The following ADGRB3 variants were observed in gnomAD, a reference collection of about 807,000 sequenced individuals.
ADGRB3 encodes brain-specific angiogenesis inhibitor 3.
ADGRB3 carries 37 observed loss-of-function variants against 193.4 expected under a neutral mutation model. The ratio of observed to expected loss-of-function variants is 0.19; its 90% confidence interval spans 0.15 to 0.25. The LOEUF is 0.25. ADGRB3 is among the 10% of genes least tolerant of loss of function. The pLI is 1.00. For synonymous variants in ADGRB3, 690 were observed against 644.2 expected (o/e 1.07, Z -1.08); for missense variants, 1,637 against 1,852.9 (o/e 0.88, Z 2.14).
intron 3 of ADGRB3, among the ~76,000 whole-genome samples, chr6:68,811,549 G>A (rs1659932641): frequency 6.6e-6 from 1 of 151,944 alleles, no homozygotes; most frequent in African/African-American, 2.4e-5. Flanking sequence ...GCTCATTGCA[G>A]CCTCTGCCTC....
intron 20 of ADGRB3, among the ~76,000 whole-genome samples, chr6:69,243,943 C>A (rs1410775766): frequency 6.6e-6 from 1 of 152,044 alleles, no homozygotes; most frequent in East Asian, 1.9e-4. Flanking sequence ...ATTTTGGGAA[C>A]TACTAGTCAA....
intron 3 of ADGRB3, among the ~76,000 whole-genome samples, chr6:68,879,908 C>T (rs1765689310): frequency 6.6e-6 from 1 of 151,944 alleles, no homozygotes; most frequent in South Asian, 2.1e-4. Flanking sequence ...ACAAATGAAT[C>T]AAAGCAGATA....
chr6:69,182,010 A>G (rs1430991405), intron 17 of ADGRB3, among the ~76,000 whole-genome samples: 1 of 152,194 alleles, frequency 6.6e-6, no homozygotes. Flanking sequence ...ACAGTTGTTC[A>G]TCGCAAAAAT....
chr6:69,214,760 T>TA (rs1765740158), intron 17 of ADGRB3, among the ~76,000 whole-genome samples: 2 of 151,792 alleles, frequency 1.3e-5, no homozygotes, highest in African/African-American at 4.8e-5. Flanking sequence ...TTGTGGTTTT[T>TA]ACCATTAAAA....
chr6:69,353,649 T>G (rs1385511709), intron 26 of ADGRB3, among the ~76,000 whole-genome samples: 1 of 152,240 alleles, frequency 6.6e-6, no homozygotes, highest in Non-Finnish European at 1.5e-5. Context: ...TTATTAGTGT[T>G]GAGCCAGATA....
Position 69,171,264 on chromosome 6 carries a change from A to C in ADGRB3, c.2481-62026A>C, listed in dbSNP as rs189447694. Among the ~76,000 whole-genome samples, 3 of 152,296 alleles carry C rather than the reference A, an allele frequency of 2.0e-5. No individual in the cohort carries two copies. In the East Asian group the frequency reaches 5.8e-4, roughly 29 times the overall value. Reference sequence around the variant, plus strand: ...TAATGACTTCCATGTTGGCCAGCATAGTTGTTGAATTTGTATGGATTTTAG... The same window carrying C: ...TAATGACTTCCATGTTGGCCAGCATCGTTGTTGAATTTGTATGGATTTTAG... On this transcript the variant is annotated intron_variant, in intron 17 of 31. Coordinates refer to ENST00000370598, the MANE Select transcript of ADGRB3 (RefSeq NM_001704.3).
chr6:69,347,811 G>A (rs1023036798), intron 26 of ADGRB3, among the ~76,000 whole-genome samples: 3 of 151,914 alleles, frequency 2.0e-5, no homozygotes, highest in Non-Finnish European at 4.4e-5. Flanking sequence ...ATAGAATGCA[G>A]TACCTTGAAA....
intron 8 of ADGRB3, among the ~76,000 whole-genome samples, chr6:68,971,698 C>T (rs1302392356): frequency 6.6e-6 from 1 of 152,228 alleles, no homozygotes. Context: ...AAGTAGAAGG[C>T]ATGTGTCCAG....
intron 6 of ADGRB3, among the ~76,000 whole-genome samples, chr6:68,944,768 T>G (rs1767732520): frequency 1.3e-5 from 2 of 152,052 alleles, no homozygotes; most frequent in South Asian, 4.1e-4. Context: ...TAGAAGAAAA[T>G]ACACACACAT....
intron 17 of ADGRB3, among the ~76,000 whole-genome samples, chr6:69,188,305 A>AT (rs1765110384): frequency 6.6e-6 from 1 of 151,968 alleles, no homozygotes; most frequent in African/African-American, 2.4e-5. Context: ...CCATCCTGGA[A>AT]TTTCTTTTTT....
chr6:68,842,204 A>T (rs910796984), intron 3 of ADGRB3, among the ~76,000 whole-genome samples: 1 of 151,972 alleles, frequency 6.6e-6, no homozygotes, highest in Non-Finnish European at 1.5e-5. Flanking sequence ...AATTGAAATG[A>T]AGAAAATAAT....
At chr6:68,830,482 G>GT (rs1348266644) in intron 3 of ADGRB3, among the ~76,000 whole-genome samples, 1 of 152,034 alleles carries the variant, frequency 6.6e-6, no homozygotes, top group Non-Finnish European at 1.5e-5. Flanking sequence ...TGGCAATAAT[G>GT]TTTTTTAGTT....
chr6:69,124,610 T>G (rs1334067786), intron 17 of ADGRB3, among the ~76,000 whole-genome samples: 1 of 152,240 alleles, frequency 6.6e-6, no homozygotes, highest in Admixed American at 6.5e-5. Flanking sequence ...AATTCAGTAT[T>G]CAGTCTTCTT....
chr6:68,930,614 T>A lies in ADGRB3; in HGVS notation c.813T>A (p.His271Gln). 6.2e-7 allele frequency: 1 copy of A among 1,612,658 alleles called. No homozygotes were observed. The highest frequency in any genetic ancestry group is 2.2e-5 in the East Asian group (1 of 44,794). ...TIKSQRPRSV[H>Q]EKRVPQEQAD... is the part of the protein sequence containing the mutation. ...AAAGTCAGCGACCTCGATCTGTTCATGAAAAAAGGGTCCCTCAGGAACAAG... is the reference window on the plus strand; with the variant it reads ...AAAGTCAGCGACCTCGATCTGTTCAAGAAAAAAGGGTCCCTCAGGAACAAG... The change falls in exon 4 of 32, where the codon CAT becomes CAA. Residue 271 changes from histidine to glutamine, a missense_variant. Transcript: ENST00000370598.
At chr6:69,292,772 G>A (rs988969517) in intron 20 of ADGRB3, among the ~76,000 whole-genome samples, 2 of 151,852 alleles carry the variant, frequency 1.3e-5, no homozygotes, top group Non-Finnish European at 2.9e-5. Context: ...ACAATGTGCA[G>A]GTTAGTTACA....
chr6:69,036,272 T>A (rs568322751), intron 13 of ADGRB3, among the ~76,000 whole-genome samples: 1 of 152,176 alleles, frequency 6.6e-6, no homozygotes, highest in Non-Finnish European at 1.5e-5. Flanking sequence ...TGCCTCCAAC[T>A]TAATCCTAAT....
chr6:69,255,475 T>C (rs1041686860), intron 20 of ADGRB3, among the ~76,000 whole-genome samples: 1 of 152,228 alleles, frequency 6.6e-6, no homozygotes, highest in Non-Finnish European at 1.5e-5. Flanking sequence ...TGAGCATTTT[T>C]TCATGTGTTT....
At chr6:68,946,765 T>C (rs2150252451) in intron 6 of ADGRB3, among the ~76,000 whole-genome samples, 1 of 152,230 alleles carries the variant, frequency 6.6e-6, no homozygotes, top group Middle Eastern at 3.4e-3. Flanking sequence ...TTGTGTGGGA[T>C]AATGTTAAAG....
At chr6:68,948,467 GC>G (rs1346347509) in intron 6 of ADGRB3, among the ~76,000 whole-genome samples, 1 of 152,044 alleles carries the variant, frequency 6.6e-6, no homozygotes, top group African/African-American at 2.4e-5. Flanking sequence ...CAGTATGACT[GC>G]CATTAAAATT....
Sources: gnomAD v4.1 joint callset for allele counts (sites outside exome capture counted in the v4.1 genomes callset) on GRCh38, gnomAD v4.1.1 for gene constraint, MANE v1.5 for transcripts, NCBI Gene and HGNC (gene_info 2026-07-23, HGNC 2026-07-21) for gene names.